The following CASQ2 variants were observed in gnomAD, a reference collection of about 807,000 sequenced individuals.
CASQ2 encodes the protein calsequestrin 2.
In CASQ2, 49 loss-of-function variants were observed where a neutral mutation model predicts 46.5. The ratio of observed to expected loss-of-function variants is 1.05; its 90% confidence interval spans 0.84 to 1.34. The LOEUF is 1.34. CASQ2 is among the 40% of genes most tolerant of loss of function. The pLI, the probability that CASQ2 is intolerant of heterozygous loss-of-function variation, is 0.00. For synonymous variants in CASQ2, 174 were observed against 168.5 expected (o/e 1.03, Z -0.25); for missense variants, 486 against 481.3 (o/e 1.01, Z -0.09).
chr1:115,730,059 G>A (rs766372931), intron 5 of CASQ2, among the ~76,000 whole-genome samples: 4 of 152,274 alleles, frequency 2.6e-5, no homozygotes, highest in African/African-American at 7.2e-5. Flanking sequence ...TTGGGCCTTC[G>A]TGTGGCTTGA....
chr1:115,731,570 T>A (rs1339404410), intron 5 of CASQ2, among the ~76,000 whole-genome samples: 2 of 152,250 alleles, frequency 1.3e-5, no homozygotes, highest in African/African-American at 4.8e-5. Flanking sequence ...GCTGGCTAAC[T>A]ATTACTGAAT....
chr1:115,716,391 G>A (rs1276880112), intron 8 of CASQ2, among the ~76,000 whole-genome samples: 1 of 152,138 alleles, frequency 6.6e-6, no homozygotes, highest in African/African-American at 2.4e-5. Context: ...TCATTATTTA[G>A]GGGAATGTTT....
At chr1:115,734,379 T>C (rs1012291798) in intron 4 of CASQ2, among the ~76,000 whole-genome samples, 1 of 152,220 alleles carries the variant, frequency 6.6e-6, no homozygotes, top group African/African-American at 2.4e-5. Context: ...ACTCCCACCC[T>C]GTTGGAAAGA....
At position 115,718,647 on chromosome 1, in the gene CASQ2, G is replaced by T. The variant is rs142816253; in HGVS notation, c.784-753C>A. 1.8e-3 allele frequency among the ~76,000 whole-genome samples: 267 copies of T among 152,300 alleles called. 1 individual carries two copies. The highest frequency in any genetic ancestry group is 6.1e-3 in the African/African-American group (255 of 41,564). On this transcript the variant is annotated intron_variant, in intron 7 of 10. Transcript: ENST00000261448. Reference sequence around the variant, plus strand: ...TGCAGGAATTGTCTGGAATTTGAGCGTAAGGAAGGTTGAGGGTGTGCGATT... The same window carrying T: ...TGCAGGAATTGTCTGGAATTTGAGCTTAAGGAAGGTTGAGGGTGTGCGATT...
rs1339461743 is a variant in CASQ2, at chr1:115,700,190, G to A, written c.*1051C>T. The A allele has an allele frequency of 6.6e-6, 1 of 151,446 alleles. No individual in the cohort carries two copies. Among genetic ancestry groups the A allele is most frequent in the East Asian group, 1.9e-4 (1 of 5,164 alleles). 9.4% of individuals were successfully genotyped at this position (151,446 alleles called of 1,614,324 possible). Reference sequence around the variant, plus strand: ...TAACACTAAATCTACCAAGCACAATGTAACTTTTAGACAGCTCAGAAGGCA... The same window carrying A: ...TAACACTAAATCTACCAAGCACAATATAACTTTTAGACAGCTCAGAAGGCA... On this transcript the variant is annotated 3_prime_UTR_variant, in exon 11 of 11. Coordinates refer to ENST00000261448, the MANE Select transcript of CASQ2 (RefSeq NM_001232.4).
rs780815077 is a variant in CASQ2 at position 115,740,848 on chromosome 1, C to T, written c.320-20G>A. ...CAAAACCTGTAAGAAACAAAGAGGC[C>T]CACAGAGAAGGTCATCCTGACGTAG... On this transcript the variant is annotated intron_variant, in intron 2 of 10. Coordinates refer to ENST00000261448, the MANE Select transcript of CASQ2 (RefSeq NM_001232.4). 6.6e-7 allele frequency: 1 copy of T among 1,522,326 alleles called. No individual in the cohort carries two copies. Among genetic ancestry groups the T allele is most frequent in the African/African-American group, 1.4e-5 (1 of 73,094 alleles). 94.3% of individuals were successfully genotyped at this position (1,522,326 alleles called of 1,614,324 possible).
intron 8 of CASQ2, among the ~76,000 whole-genome samples, chr1:115,712,865 A>G (rs1012606086): frequency 4.7e-5 from 7 of 148,464 alleles, no homozygotes; most frequent in Non-Finnish European, 8.9e-5. Flanking sequence ...AAAAAAAAAA[A>G]AAAGAAAGAA....
intron 4 of CASQ2, among the ~76,000 whole-genome samples, chr1:115,736,965 G>A (rs141508782): frequency 7.2e-5 from 11 of 152,204 alleles, no homozygotes; most frequent in African/African-American, 2.4e-4. Context: ...GGGGGAAGAC[G>A]CCAAGGGTAC....
chr1:115,734,724 A>T (rs1195085867), intron 4 of CASQ2, among the ~76,000 whole-genome samples: 1 of 152,148 alleles, frequency 6.6e-6, no homozygotes, highest in East Asian at 1.9e-4. Flanking sequence ...CTTACTAAAA[A>T]CTTATCTTAG....
chr1:115,710,333 A>T (rs1654497758), intron 8 of CASQ2, among the ~76,000 whole-genome samples: 1 of 152,206 alleles, frequency 6.6e-6, no homozygotes, highest in Non-Finnish European at 1.5e-5. Flanking sequence ...TTAAGACCCA[A>T]GGAGAGCAAA....
At chr1:115,761,799 A>G (rs1410365100) in intron 1 of CASQ2, among the ~76,000 whole-genome samples, 2 of 152,058 alleles carry the variant, frequency 1.3e-5, no homozygotes, top group East Asian at 3.9e-4. Context: ...ATAGATGATG[A>G]AACCAGCATC....
chr1:115,723,264 A>G (rs1300751769), intron 7 of CASQ2, among the ~76,000 whole-genome samples: 1 of 121,974 alleles, frequency 8.2e-6, no homozygotes, highest in Non-Finnish European at 1.8e-5. Context: ...ATATCTATCT[A>G]TCTATCTATC....
intron 7 of CASQ2, among the ~76,000 whole-genome samples, chr1:115,722,290 T>C (rs539669114): frequency 6.6e-4 from 100 of 152,356 alleles, no homozygotes; most frequent in Middle Eastern, 3.4e-3. Flanking sequence ...TGCAATAATG[T>C]GGAAAATATG....
chr1:115,761,476 A>AAGGAGAAGGAGAAGGAGAAGGAGAAGG (rs1557806779), intron 1 of CASQ2, among the ~76,000 whole-genome samples: 3 of 10,226 alleles, frequency 2.9e-4, no homozygotes, highest in African/African-American at 6.1e-4. Flanking sequence ...GAAGAAGAAG[A>AAGGAGAAGGAGAAGGAGAAGGAGAAGG]AGAAGAAGAA....
chr1:115,742,827 C>T (rs1268949247), intron 2 of CASQ2, among the ~76,000 whole-genome samples: 1 of 152,058 alleles, frequency 6.6e-6, no homozygotes, highest in Non-Finnish European at 1.5e-5. Context: ...CTCGCTCTGT[C>T]TCCCAGGCTG....
rs199955994 is a variant in CASQ2, at chr1:115,701,203, C to T, written c.*38G>A. ...TGTGCTGTCTGTATGGTAGTGGGTG[C>T]TGTGATTTTGTTTTCATCAGAATTG... On this transcript the variant is annotated 3_prime_UTR_variant, in exon 11 of 11. Transcript: ENST00000261448. 181 of 1,613,044 alleles carry T rather than the reference C, an allele frequency of 1.1e-4. No individual in the cohort carries two copies. The highest frequency in any genetic ancestry group is 2.5e-5 in the Non-Finnish European group (30 of 1,180,014).
chr1:115,708,868 T>A (rs1052046250), intron 8 of CASQ2, among the ~76,000 whole-genome samples: 3 of 152,182 alleles, frequency 2.0e-5, no homozygotes, highest in African/African-American at 7.2e-5. Flanking sequence ...CACAAAAGTG[T>A]ACAGCGTGGG....
chr1:115,715,299 T>C (rs1346355708), intron 8 of CASQ2, among the ~76,000 whole-genome samples: 2 of 152,178 alleles, frequency 1.3e-5, no homozygotes, highest in Non-Finnish European at 2.9e-5. Context: ...GGCTAGATCA[T>C]GTTGAAAAGT....
intron 1 of CASQ2, among the ~76,000 whole-genome samples, chr1:115,755,499 G>A (rs1570852728): frequency 1.3e-5 from 2 of 152,320 alleles, no homozygotes; most frequent in African/African-American, 2.4e-5. Flanking sequence ...CCTCATGAAT[G>A]TAAAATAATG....
Sources: allele counts gnomAD v4.1 joint callset (sites outside exome capture counted in the v4.1 genomes callset), GRCh38; gene constraint gnomAD v4.1.1; transcripts MANE v1.5; gene names NCBI Gene and HGNC (gene_info 2026-07-23, HGNC 2026-07-21).